RMND5B: variants seen among roughly 807,000 people sequenced by gnomAD.
RMND5B encodes the protein E3 ubiquitin-protein transferase RMND5B.
RMND5B carries 42 observed loss-of-function variants against 50.4 expected under a neutral mutation model. The ratio of observed to expected loss-of-function variants is 0.83; its 90% CI spans 0.65 to 1.08. RMND5B has a LOEUF of 1.08. Ranked by LOEUF, RMND5B falls within the 50% of genes least tolerant of loss-of-function variation. The pLI, the probability that RMND5B is intolerant of heterozygous loss-of-function variation, is 0.00. For missense variants in RMND5B, 463 were observed against 508.5 expected, an observed-to-expected ratio of 0.91 and a Z score of 0.86; for synonymous variants, 220 against 210.0, an observed-to-expected ratio of 1.05 and a Z score of -0.41.
intron 2 of RMND5B, among the ~76,000 whole-genome samples, chr5:178,131,657 T>C (rs1295866303): frequency 6.6e-6 from 1 of 151,100 alleles, no homozygotes; most frequent in East Asian, 1.9e-4. Flanking sequence ...TTAGATACTG[T>C]GGTCTAGCAG....
At chr5:178,133,240 C>T (rs1400018443) in intron 2 of RMND5B, among the ~76,000 whole-genome samples, 2 of 152,148 alleles carry the variant, frequency 1.3e-5, no homozygotes, top group Non-Finnish European at 2.9e-5. Context: ...ACAGGAGCCC[C>T]TTGTTTCAGG....
chr5:178,143,322 G>A (rs1455433835), intron 5 of RMND5B, among the ~76,000 whole-genome samples: 1 of 152,226 alleles, frequency 6.6e-6, no homozygotes, highest in Non-Finnish European at 1.5e-5. Context: ...TACTGTACTA[G>A]GAGGATTGAA....
At chr5:178,146,063 T>C in intron 7 of RMND5B, 51 bp from the exon 8 acceptor site, 1 of 1,591,090 alleles carries the variant, frequency 6.3e-7, no homozygotes, top group Non-Finnish European at 8.6e-7. Flanking sequence ...CGCTTGGGGG[T>C]GGACCCAGAG....
At chr5:178,142,781 T>G (rs1360511753) in intron 4 of RMND5B, 53 bp downstream of exon 4, 2 of 1,614,040 alleles carry the variant, frequency 1.2e-6, no homozygotes, top group African/African-American at 2.7e-5. Flanking sequence ...GAAGCTGGGA[T>G]GTACAAGGAC....
chr5:178,148,316 G>A lies in RMND5B; in HGVS notation c.*284G>A, dbSNP rs771639669. 23 of 492,012 alleles carry A rather than the reference G, an allele frequency of 4.7e-5. No individual in the cohort carries two copies. Among genetic ancestry groups the A allele is most frequent in the African/African-American group, 2.3e-4 (12 of 51,386 alleles). The allele number at this position is 492,012 out of a possible 1,614,324, so 30.5% of individuals were successfully genotyped here. ...GTTTGCGTTTGACTTAGTAGCAACC[G>A]ACAGAGTGGCAAGGGATTTGGTCTT... On this transcript the variant is annotated 3_prime_UTR_variant, in exon 11 of 11. Coordinates refer to ENST00000313386, the MANE Select transcript of RMND5B (RefSeq NM_022762.5).
intron 2 of RMND5B, among the ~76,000 whole-genome samples, chr5:178,131,802 T>C (rs1167448401): frequency 6.6e-6 from 1 of 151,996 alleles, no homozygotes; most frequent in Non-Finnish European, 1.5e-5. Context: ...ACTGAGAGTA[T>C]AGTCAAGGAA....
Position 178,138,539 on chromosome 5 carries a change from G to GTGTGTT in RMND5B, c.139+286_139+287insTTGTGT. 1 of 584,206 alleles carries GTGTGTT rather than the reference G, an allele frequency of 1.7e-6. No homozygotes were observed. The highest frequency in any genetic ancestry group is 2.7e-5 in the South Asian group (1 of 36,740). 36.2% of individuals were successfully genotyped at this position (584,206 alleles called of 1,614,324 possible). A position where few individuals can be genotyped will look rare whatever the true frequency, so the allele number is the denominator to read the frequency against. ...TATAATTGTGTGTGTGTGTGTGTGT[G>GTGTGTT]TGTGTGTGTAGAAACAGTGTCTTTG... On this transcript the variant is annotated intron_variant, in intron 3 of 10. Transcript: ENST00000313386. The surrounding 1 kb of genome is among the most constrained non-coding windows in gnomAD (Gnocchi z 5.1).
rs1211205583 is a variant in RMND5B at position 178,150,092 on chromosome 5, C to T, written c.*2060C>T. ...GGCTCCAGCCCAGCAGGGGCTGTCC[C>T]GGTCCCTGCCACCCCCACTTCCTGT... On this transcript the variant is annotated 3_prime_UTR_variant, in exon 11 of 11. Transcript: ENST00000313386. The T allele has an allele frequency of 1.3e-5, 5 of 380,374 alleles. No homozygotes were observed. Among genetic ancestry groups the T allele is most frequent in the Non-Finnish European group, 2.4e-5 (5 of 206,350 alleles). The allele number at this position is 380,374 out of a possible 1,614,324, so 23.6% of individuals were successfully genotyped here. A position where few individuals can be genotyped will look rare whatever the true frequency, so the allele number is the denominator to read the frequency against.
Position 178,149,887 on chromosome 5 carries a change from A to T in RMND5B, c.*1855A>T. ...TTTGGAAAAAAGCTGTACAACCTGT[A>T]TGCCAGGAAGTCACCAACTGATGAC... On this transcript the variant is annotated 3_prime_UTR_variant, in exon 11 of 11. Coordinates refer to ENST00000313386, the MANE Select transcript of RMND5B (RefSeq NM_022762.5). 1 of 1,605,086 alleles carries T rather than the reference A, an allele frequency of 6.2e-7. No homozygotes were observed.
chr5:178,144,115 G>T lies in RMND5B; in HGVS notation c.694+7G>T. On this transcript the variant is annotated splice_region_variant and intron_variant, in intron 7 of 10. Transcript: ENST00000313386. ...GCTCGGCTGCACCAGCGGGGTGAGT[G>T]CCCAGGCAGCTGGGGTTGTGCTGCC... The T allele has an allele frequency of 6.2e-7, 1 of 1,611,466 alleles. No homozygotes were observed. Among genetic ancestry groups the T allele is most frequent in the South Asian group, 1.1e-5 (1 of 90,898 alleles).
At position 178,146,141 on chromosome 5, in the gene RMND5B, T is replaced by C; in HGVS notation, c.722T>C (p.Val241Ala). The stretch of plus-strand genomic sequence containing the variant: ...ATCCAGGTGATGATGGGCAGCCTGG[T>C]GTACCTGCGGCTGGGCTTGGAGAAG... ...REIQVMMGSL[V>A]YLRLGLEKSP... The change falls in exon 8 of 11, where the codon GTG becomes GCG. Residue 241 changes from valine to alanine, a missense_variant. By Grantham distance (64) the Val-to-Ala change is moderately conservative. Coordinates refer to ENST00000313386, the MANE Select transcript of RMND5B (RefSeq NM_022762.5). 1 of 1,614,152 alleles carries C rather than the reference T, an allele frequency of 6.2e-7. No homozygotes were observed. Among genetic ancestry groups the C allele is most frequent in the African/African-American group, 1.3e-5 (1 of 75,060 alleles).
intron 2 of RMND5B, chr5:178,135,900 C>A (rs1226561551): frequency 6.6e-6 from 1 of 152,156 alleles, no homozygotes; most frequent in African/African-American, 2.4e-5. Context: ...ATTCTAGTGT[C>A]CTGCCATCTT....
At chr5:178,147,688 T>C (rs1475342216) in intron 9 of RMND5B, 41 bp from the exon 10 acceptor site, 2 of 1,614,026 alleles carry the variant, frequency 1.2e-6, no homozygotes, top group South Asian at 1.1e-5. Context: ...AGGACAGCCA[T>C]GACAGGAAGT....
chr5:178,143,713 G>C lies in RMND5B; in HGVS notation c.513G>C (p.Leu171=), dbSNP rs1199749834. ...RILEALHEQD[L]GPALEWAVSH... ...TGGAAGCCCTGCACGAACAAGACCT[G>C]GGTCCTGCGTTGGAGTAAGGAGGCC... The change falls in exon 6 of 11, where the codon CTG becomes CTC. Residue 171 remains leucine, a synonymous_variant. Transcript: ENST00000313386. 58 of 1,613,562 alleles carry C rather than the reference G, an allele frequency of 3.6e-5. No individual in the cohort carries two copies. Among genetic ancestry groups the C allele is most frequent in the Non-Finnish European group, 4.7e-5 (56 of 1,179,596 alleles).
At position 178,137,615 on chromosome 5, in the gene RMND5B, G is replaced by T. The variant is rs890601596; in HGVS notation, c.-12-493G>T. On this transcript the variant is annotated intron_variant, in intron 2 of 10. Coordinates refer to ENST00000313386, the MANE Select transcript of RMND5B (RefSeq NM_022762.5). The surrounding 1 kb of genome is among the most constrained non-coding windows in gnomAD (Gnocchi z 4.4). ...AAAGTGGGAGAATCCCTTGGGCCTG[G>T]GGGGATCAAGGTTGCCATGAGCTGA... Among the ~76,000 whole-genome samples the T allele has an allele frequency of 6.6e-6, 1 of 152,124 alleles. No homozygotes were observed. Among genetic ancestry groups the T allele is most frequent in the Admixed American group, 6.5e-5 (1 of 15,276 alleles).
chr5:178,138,221 C>G lies in RMND5B; in HGVS notation c.102C>G (p.His34Gln). ...HCERSLEELLHYVGQLRAELA... is the reference protein window; with the variant it reads ...HCERSLEELLQYVGQLRAELA... ...AGCGGAGCCTGGAGGAGCTGCTGCA[C>G]TACGTGGGCCAGCTGCGGGCTGAGC... Residue 34 changes from histidine (H) to glutamine (Q), a missense_variant, in exon 3 of 11, where the codon CAC becomes CAG. His to Gln is a conservative substitution (Grantham distance 24, BLOSUM62 0). Coordinates refer to ENST00000313386, the MANE Select transcript of RMND5B (RefSeq NM_022762.5). This position sits in a 1 kb window ranked among gnomAD's most constrained non-coding sequence, Gnocchi z 5.1. 6.2e-7 allele frequency: 1 copy of G among 1,613,920 alleles called. No individual in the cohort carries two copies. The highest frequency in any genetic ancestry group is 8.5e-7 in the Non-Finnish European group (1 of 1,179,906).
chr5:178,137,391 C>G lies in RMND5B; in HGVS notation c.-12-717C>G, dbSNP rs1758672423. 6.6e-6 allele frequency among the ~76,000 whole-genome samples: 1 copy of G among 152,118 alleles called. No individual in the cohort carries two copies. Among genetic ancestry groups the G allele is most frequent in the African/African-American group, 2.4e-5 (1 of 41,402 alleles). Reference sequence around the variant, plus strand: ...CTGTAAGAATGTGGCCATAATAACTCTATGAAAATACACGGGCCGGGCATG... The same window carrying G: ...CTGTAAGAATGTGGCCATAATAACTGTATGAAAATACACGGGCCGGGCATG... On this transcript the variant is annotated intron_variant, in intron 2 of 10. Coordinates refer to ENST00000313386, the MANE Select transcript of RMND5B (RefSeq NM_022762.5). The surrounding 1 kb of genome is among the most constrained non-coding windows in gnomAD (Gnocchi z 4.4).
In RMND5B at chr5:178,137,405, G is replaced by A. The variant is rs931652421; in HGVS notation, c.-12-703G>A. Among the ~76,000 whole-genome samples the A allele has an allele frequency of 1.3e-5, 2 of 152,088 alleles. No individual in the cohort carries two copies. Among genetic ancestry groups the A allele is most frequent in the Non-Finnish European group, 2.9e-5 (2 of 68,022 alleles). On this transcript the variant is annotated intron_variant, in intron 2 of 10. Coordinates refer to ENST00000313386, the MANE Select transcript of RMND5B (RefSeq NM_022762.5). This position sits in a 1 kb window ranked among gnomAD's most constrained non-coding sequence, Gnocchi z 4.4. ...CCATAATAACTCTATGAAAATACACGGGCCGGGCATGGTGGCTTATGCCTA... is the reference window on the plus strand; with the variant it reads ...CCATAATAACTCTATGAAAATACACAGGCCGGGCATGGTGGCTTATGCCTA...
intron 7 of RMND5B, among the ~76,000 whole-genome samples, chr5:178,145,501 AAAAAAACACAC>A (rs1457279535): frequency 6.6e-6 from 1 of 151,682 alleles, no homozygotes; most frequent in African/African-American, 2.4e-5. Context: ...TCAAAAAAAA[AAAAAAACACAC>A]AAAAAACACA....
Sources: allele counts gnomAD v4.1 joint callset (sites outside exome capture counted in the v4.1 genomes callset), GRCh38; gene constraint gnomAD v4.1.1; non-coding constraint Gnocchi (gnomAD v3.1); transcripts MANE v1.5; gene names NCBI Gene and HGNC (gene_info 2026-07-23, HGNC 2026-07-21).